Variants in NXPE1 observed in about 807,000 individuals in gnomAD.
NXPE1 encodes the protein NXPE family member 1.
Under a neutral mutation model 33.3 loss-of-function variants are expected in NXPE1, and 31 were observed. The observed-to-expected ratio is 0.93, with a 90% CI of 0.70 to 1.26. The LOEUF (loss-of-function observed/expected upper bound fraction) is 1.26, where lower values mean the gene tolerates loss of function less well. Among genes scored for constraint, NXPE1 ranks in the 50% most tolerant of loss-of-function variants. The pLI, the probability that NXPE1 is intolerant of heterozygous loss-of-function variation, is 0.00. For missense variants in NXPE1, 661 were observed against 655.6 expected (o/e 1.01, Z -0.09); for synonymous variants, 229 against 231.4 (o/e 0.99, Z 0.09).
At chr11:114,522,629 T>C (rs1014800018) in intron 8 of NXPE1, 126 bp from the exon 9 acceptor site, 25 of 800,716 alleles carry the variant, frequency 3.1e-5, no homozygotes, top group Non-Finnish European at 4.8e-5. Flanking sequence ...TTCTACTCTC[T>C]AGGGTACAGT....
intron 7 of NXPE1, among the ~76,000 whole-genome samples, chr11:114,524,560 A>G (rs1159199469): frequency 1.3e-5 from 2 of 152,208 alleles, no homozygotes; most frequent in Non-Finnish European, 2.9e-5. Context: ...TGTTGGAATT[A>G]CAGTGTGATA....
At chr11:114,528,682 TACTC>T (rs768680936) in intron 6 of NXPE1, 35 of 464,528 alleles carry the variant, frequency 7.5e-5, no homozygotes, top group Non-Finnish European at 1.2e-4. Context: ...TGAAAGCTCT[TACTC>T]ACACTTTGTT....
intron 7 of NXPE1, among the ~76,000 whole-genome samples, chr11:114,523,339 A>C (rs1591251593): frequency 6.6e-6 from 1 of 152,118 alleles, no homozygotes; most frequent in Admixed American, 6.6e-5. Context: ...GTCATGAGCT[A>C]AATCTTGACG....
At chr11:114,531,018 A>G (rs1303459944) in intron 5 of NXPE1, 110 bp from the exon 6 acceptor site, 1 of 1,150,434 alleles carries the variant, frequency 8.7e-7, no homozygotes, top group Non-Finnish European at 1.2e-6. Flanking sequence ...ATTGAATTCA[A>G]TTTGTTACCA....
At chr11:114,553,831 G>A (rs1052039001) in intron 1 of NXPE1, 20 of 959,338 alleles carry the variant, frequency 2.1e-5, no homozygotes, top group East Asian at 2.3e-4. Context: ...CTTTCCAACT[G>A]CTCATTCAGT....
chr11:114,540,838 T>TA, intron 5 of NXPE1, among the ~76,000 whole-genome samples: 1 of 13,296 alleles, frequency 7.5e-5, no homozygotes, highest in Non-Finnish European at 1.4e-4. Context: ...GAAAGCCATC[T>TA]TTTTTTTTTT....
At chr11:114,543,519 T>TA (rs35370315) in intron 5 of NXPE1, among the ~76,000 whole-genome samples, 26 of 147,012 alleles carry the variant, frequency 1.8e-4, no homozygotes, top group South Asian at 6.4e-4. Flanking sequence ...AGACCCTGTT[T>TA]AAAAAAAAAA....
chr11:114,536,550 A>G (rs1174624545), intron 5 of NXPE1, among the ~76,000 whole-genome samples: 1 of 152,178 alleles, frequency 6.6e-6, no homozygotes, highest in African/African-American at 2.4e-5. Flanking sequence ...CTAATAAAGA[A>G]GAAAAGAGAG....
intron 6 of NXPE1, chr11:114,528,776 A>G (rs546891417): frequency 3.0e-6 from 2 of 659,012 alleles, no homozygotes; most frequent in African/African-American, 1.8e-5. Context: ...GGTGCCAAGT[A>G]TAACAGATAT....
At chr11:114,533,214 A>C (rs1947650879) in intron 5 of NXPE1, among the ~76,000 whole-genome samples, 1 of 152,222 alleles carries the variant, frequency 6.6e-6, no homozygotes, top group Non-Finnish European at 1.5e-5. Context: ...AGAGTTAGCA[A>C]ATTATTAGTA....
intron 5 of NXPE1, among the ~76,000 whole-genome samples, chr11:114,534,856 T>G (rs534463929): frequency 6.6e-6 from 1 of 152,338 alleles, no homozygotes; most frequent in Admixed American, 6.5e-5. Context: ...GAAAACACTC[T>G]GCAGGATATT....
intron 5 of NXPE1, among the ~76,000 whole-genome samples, chr11:114,537,650 G>T (rs1947887163): frequency 6.6e-6 from 1 of 152,098 alleles, no homozygotes. Context: ...GACAAACAGA[G>T]AGCCAAATCA....
In NXPE1 at chr11:114,522,310, G is replaced by C. The variant is rs116712555; in HGVS notation, c.1302C>G (p.Ile434Met). The C allele has an allele frequency of 1.5e-4, 244 of 1,614,062 alleles. 1 individual carries two copies. The highest frequency in any genetic ancestry group is 5.3e-4 in the South Asian group (48 of 91,064). ...TAAAGTGCTGGCCAAAGGTGATGACGATGGCTGTGTTTTTGTCACCTGATA... is the reference window on the plus strand; with the variant it reads ...TAAAGTGCTGGCCAAAGGTGATGACCATGGCTGTGTTTTTGTCACCTGATA... The change falls in exon 9 of 9, where the codon ATC becomes ATG. Residue 434 changes from isoleucine to methionine, a missense_variant. Physicochemically the swap from Ile to Met is conservative, Grantham distance 10 (BLOSUM62 1). Coordinates refer to ENST00000534921, the Ensembl canonical transcript of NXPE1.
chr11:114,527,957 G>A lies in NXPE1; in HGVS notation c.834-56C>T, dbSNP rs1947431939. Reference sequence around the variant, plus strand: ...CCTGCTCTCTGCCCATGTAACACAGGTGAATCATCTGCTTGTGAGTGAAGG... The same window carrying A: ...CCTGCTCTCTGCCCATGTAACACAGATGAATCATCTGCTTGTGAGTGAAGG... On this transcript the variant is annotated intron_variant, in intron 6 of 8. Transcript: ENST00000534921. The A allele has an allele frequency of 6.8e-6, 9 of 1,321,894 alleles. No homozygotes were observed. The South Asian group carries it at 9.2e-5, about 13-fold the overall frequency. The allele number at this position is 1,321,894 out of a possible 1,614,324, so 81.9% of individuals were successfully genotyped here.
chr11:114,519,510 T>C (rs1947159315), downstream of NXPE1, among the ~76,000 whole-genome samples: 1 of 152,240 alleles, frequency 6.6e-6, no homozygotes, highest in Admixed American at 6.5e-5. Context: ...ATACATGTTT[T>C]TGTTTCTTTT....
Position 114,545,792 on chromosome 11 carries a change from G to A in NXPE1, c.99+5311C>T, listed in dbSNP as rs182426964. 3.0e-3 allele frequency among the ~76,000 whole-genome samples: 457 copies of A among 151,544 alleles called. 3 individuals carry two copies. Among genetic ancestry groups the A allele is most frequent in the African/African-American group, 0.011 (440 of 41,270 alleles). On this transcript the variant is annotated intron_variant, in intron 5 of 8. Transcript: ENST00000534921. ...TAACCTCCGCCTTCCAGGTTCAAGC[G>A]ATTCTCCTACCTTAGCCTCCCAAGT...
intron 5 of NXPE1, among the ~76,000 whole-genome samples, chr11:114,534,865 T>G (rs952829713): frequency 6.6e-6 from 1 of 152,184 alleles, no homozygotes; most frequent in Non-Finnish European, 1.5e-5. Context: ...CTGCAGGATA[T>G]TATCCAGGAG....
At chr11:114,522,119 T>G in exon 9 of NXPE1, 1 of 1,614,038 alleles carries the variant, frequency 6.2e-7, no homozygotes, top group Non-Finnish European at 8.5e-7. Context: ...GATAAGATAG[T>G]GAATATAACC....
intron 7 of NXPE1, among the ~76,000 whole-genome samples, chr11:114,523,891 T>C (rs181395628): frequency 1.4e-4 from 21 of 152,328 alleles, no homozygotes; most frequent in Admixed American, 1.4e-3. Flanking sequence ...CTGTATGAGA[T>C]AGGAAACCAG....
Sources: allele counts gnomAD v4.1 joint callset (sites outside exome capture counted in the v4.1 genomes callset), GRCh38; gene constraint gnomAD v4.1.1; transcripts MANE v1.5; gene names NCBI Gene and HGNC (gene_info 2026-07-23, HGNC 2026-07-21).